Variants in TRIM33 observed in about 807,000 individuals in gnomAD.
The protein encoded by TRIM33 is tripartite motif containing 33.
In TRIM33, 20 loss-of-function variants were observed where a neutral mutation model predicts 125.4. That is an observed-to-expected ratio of 0.16 (90% CI 0.11 to 0.23). TRIM33 has a LOEUF of 0.23. Ranked by LOEUF, TRIM33 falls within the 10% of genes least tolerant of loss-of-function variation. The probability of loss-of-function intolerance (pLI) is 1.00; values close to 1 mark genes in which losing one functional copy is unlikely to be tolerated. For missense variants in TRIM33, 920 were observed against 1,411.4 expected, an observed-to-expected ratio of 0.65 and a Z score of 5.58; for synonymous variants, 564 against 513.9, an observed-to-expected ratio of 1.10 and a Z score of -1.32.
rs192872698 is a variant in TRIM33 at position 114,495,358 on chromosome 1, T to C, written c.526+15193A>G. On this transcript the variant is annotated intron_variant, in intron 1 of 19. Coordinates refer to ENST00000358465, the MANE Select transcript of TRIM33 (RefSeq NM_015906.4). ...GAAAGGCCACATTTAGGTATAATTTTACCACATTACCTCGGTGGCCTCATT... is the reference window on the plus strand; with the variant it reads ...GAAAGGCCACATTTAGGTATAATTTCACCACATTACCTCGGTGGCCTCATT... Among the ~76,000 whole-genome samples the C allele has an allele frequency of 2.7e-3, 413 of 152,312 alleles. 2 individuals are homozygous for C. The highest frequency in any genetic ancestry group is 9.6e-3 in the African/African-American group (399 of 41,574).
intron 4 of TRIM33, among the ~76,000 whole-genome samples, chr1:114,453,680 G>A (rs183925367): frequency 1.3e-5 from 2 of 152,326 alleles, no homozygotes; most frequent in Non-Finnish European, 2.9e-5. Context: ...CTGATTTACA[G>A]TGGGAGCTCT....
chr1:114,504,047 G>T (rs990472382), intron 1 of TRIM33, among the ~76,000 whole-genome samples: 1 of 152,074 alleles, frequency 6.6e-6, no homozygotes, highest in African/African-American at 2.4e-5. Context: ...TTTCATAAAG[G>T]ATATTAAGTG....
chr1:114,401,312 C>T lies in TRIM33; in HGVS notation c.2967+77G>A, dbSNP rs140416857. On this transcript the variant is annotated intron_variant, in intron 17 of 19. Coordinates refer to ENST00000358465, the MANE Select transcript of TRIM33 (RefSeq NM_015906.4). ...GTGCTGGGATTACAGGCGTGAGCCA[C>T]CGCGCCCGGCCGCCAGAGCCCATAC... The T allele has an allele frequency of 1.4e-4, 176 of 1,230,310 alleles. No homozygotes were observed. The African/African-American group carries it at 1.8e-3, about 12-fold the overall frequency. The allele number at this position is 1,230,310 out of a possible 1,614,324, so 76.2% of individuals were successfully genotyped here.
intron 4 of TRIM33, among the ~76,000 whole-genome samples, chr1:114,447,485 C>T (rs776346137): frequency 1.3e-5 from 2 of 151,904 alleles, no homozygotes; most frequent in African/African-American, 2.4e-5. Flanking sequence ...GTTTTGGAAG[C>T]GTTATGTTTG....
chr1:114,500,397 A>G (rs1652640519), intron 1 of TRIM33, among the ~76,000 whole-genome samples: 1 of 152,084 alleles, frequency 6.6e-6, no homozygotes, highest in Non-Finnish European at 1.5e-5. Flanking sequence ...GCTATTCCCA[A>G]GTGCAATCAT....
chr1:114,484,061 A>C (rs1651521671), intron 1 of TRIM33, among the ~76,000 whole-genome samples: 1 of 152,222 alleles, frequency 6.6e-6, no homozygotes, highest in Non-Finnish European at 1.5e-5. Context: ...AAAGATGTTA[A>C]GCAGGCAGTT....
At chr1:114,454,669 C>T (rs1457665545) in intron 4 of TRIM33, among the ~76,000 whole-genome samples, 1 of 135,040 alleles carries the variant, frequency 7.4e-6, no homozygotes, top group African/African-American at 3.0e-5. Flanking sequence ...GCACAAGACT[C>T]CTCTAAAAAA....
At position 114,463,184 on chromosome 1, in the gene TRIM33, T is replaced by C. The variant is rs1477899162; in HGVS notation, c.843A>G (p.Gln281=). 1.2e-6 allele frequency: 2 copies of C among 1,613,432 alleles called. No homozygotes were observed. Among genetic ancestry groups the C allele is most frequent in the African/African-American group, 1.3e-5 (1 of 74,926 alleles). The change falls in exon 4 of 20, where the codon CAA becomes CAG. Residue 281 remains glutamine, a synonymous_variant. Transcript: ENST00000358465. ...QRPVFCPVHK[Q]EQLKLFCETC... ...TTTCACAGAAAAGTTTCAACTGTTC[T>C]TGTTTGTGTACAGGGCAGAAAACAG...
intron 4 of TRIM33, among the ~76,000 whole-genome samples, chr1:114,445,987 A>G (rs1648948748): frequency 6.6e-6 from 1 of 152,088 alleles, no homozygotes; most frequent in Admixed American, 6.5e-5. Flanking sequence ...CCTCCCAGGT[A>G]GCTGGGACTA....
At chr1:114,411,363 T>A (rs975324526) in intron 11 of TRIM33, among the ~76,000 whole-genome samples, 9 of 152,136 alleles carry the variant, frequency 5.9e-5, no homozygotes, top group African/African-American at 1.9e-4. Flanking sequence ...GGGCTGAAGG[T>A]AGGAGTAGGC....
At chr1:114,409,171 AAAG>A (rs1652425457) in intron 12 of TRIM33, among the ~76,000 whole-genome samples, 1 of 152,336 alleles carries the variant, frequency 6.6e-6, no homozygotes, top group African/African-American at 2.4e-5. Context: ...CTTCCTCTAG[AAAG>A]AAGTAGGTGG....
At chr1:114,497,760 A>G (rs1652457213) in intron 1 of TRIM33, among the ~76,000 whole-genome samples, 1 of 152,178 alleles carries the variant, frequency 6.6e-6, no homozygotes, top group Non-Finnish European at 1.5e-5. Flanking sequence ...CCCAACAATT[A>G]ACAGGCCCCA....
chr1:114,500,080 T>C (rs965571279), intron 1 of TRIM33, among the ~76,000 whole-genome samples: 7 of 152,082 alleles, frequency 4.6e-5, no homozygotes, highest in African/African-American at 1.7e-4. Flanking sequence ...GGCAGGAGAA[T>C]TGCTTGAACC....
intron 1 of TRIM33, among the ~76,000 whole-genome samples, chr1:114,498,215 TCAA>T (rs1652494477): frequency 6.6e-6 from 1 of 150,828 alleles, no homozygotes; most frequent in African/African-American, 2.4e-5. Context: ...AAGTAAAAAG[TCAA>T]ATGAAAAATA....
At chr1:114,429,723 C>T (rs1395794826) in intron 6 of TRIM33, among the ~76,000 whole-genome samples, 1 of 151,420 alleles carries the variant, frequency 6.6e-6, no homozygotes, top group African/African-American at 2.4e-5. Context: ...AAAAAATAAT[C>T]CCCATATCAT....
chr1:114,492,566 A>T (rs1435840350), intron 1 of TRIM33, among the ~76,000 whole-genome samples: 1 of 152,030 alleles, frequency 6.6e-6, no homozygotes, highest in Non-Finnish European at 1.5e-5. Flanking sequence ...CATCCTAAAC[A>T]ACTCTCTATT....
In TRIM33 at chr1:114,465,013, TG is replaced by T. The variant is rs147282151; in HGVS notation, c.527-626del. Among the ~76,000 whole-genome samples, 1,438 of 152,338 alleles carry T rather than the reference TG, an allele frequency of 9.4e-3. 21 individuals are homozygous for T. The highest frequency in any genetic ancestry group is 0.033 in the African/African-American group (1,356 of 41,574). On this transcript the variant is annotated intron_variant, in intron 1 of 19. Transcript: ENST00000358465. ...CCCAGTGAAAGGGATTTCAAACTGCTGGCCTCCATAATGGTAAAACAGTAAG... is the reference window on the plus strand; with the variant it reads ...CCCAGTGAAAGGGATTTCAAACTGCTGCCTCCATAATGGTAAAACAGTAAG...
At chr1:114,504,511 T>C (rs1652887494) in intron 1 of TRIM33, among the ~76,000 whole-genome samples, 1 of 152,200 alleles carries the variant, frequency 6.6e-6, no homozygotes, top group South Asian at 2.1e-4. Context: ...AATATAAATG[T>C]CAGCGCAGTG....
intron 5 of TRIM33, among the ~76,000 whole-genome samples, chr1:114,431,755 T>C (rs527255790): frequency 2.0e-5 from 3 of 152,362 alleles, no homozygotes; most frequent in South Asian, 2.1e-4. Context: ...AGAAATAATG[T>C]AGTTTTTTTC....
Sources: gnomAD v4.1 joint callset for allele counts (sites outside exome capture counted in the v4.1 genomes callset) on GRCh38, gnomAD v4.1.1 for gene constraint, MANE v1.5 for transcripts, NCBI Gene and HGNC (gene_info 2026-07-23, HGNC 2026-07-21) for gene names.